The following ABHD18 variants were observed in gnomAD, a reference collection of about 807,000 sequenced individuals.
ABHD18 encodes the protein cardiolipin-specific deacylase, mitochondrial.
Under a neutral mutation model 65.9 loss-of-function variants are expected in ABHD18, and 55 were observed. The ratio of observed to expected loss-of-function variants is 0.84; its 90% CI spans 0.67 to 1.05. The LOEUF (loss-of-function observed/expected upper bound fraction) is 1.05. ABHD18 is among the 50% of genes least tolerant of loss of function. ABHD18 has a pLI of 0.00. For missense variants in ABHD18, 533 were observed against 558.5 expected (o/e 0.95, Z 0.46); for synonymous variants, 181 against 180.2 (o/e 1.00, Z -0.04).
intron 1 of ABHD18, among the ~76,000 whole-genome samples, chr4:127,966,823 T>C (rs1745631953): frequency 1.4e-5 from 2 of 139,962 alleles, no homozygotes; most frequent in African/African-American, 5.4e-5. Flanking sequence ...AGGCGGAGGC[T>C]GCAGTGAGCC....
intron 9 of ABHD18, 60 bp from the exon 10 acceptor site, chr4:128,021,077 A>G: frequency 9.5e-7 from 1 of 1,054,994 alleles, no homozygotes; most frequent in South Asian, 1.6e-5. Context: ...AATAATAATA[A>G]AAGTATTGGG....
intron 1 of ABHD18, among the ~76,000 whole-genome samples, chr4:127,975,893 T>A (rs1275370302): frequency 6.6e-6 from 1 of 152,196 alleles, no homozygotes; most frequent in Non-Finnish European, 1.5e-5. Context: ...TGGTACAGTC[T>A]CGGCTCACTG....
chr4:128,035,326 T>A (rs1758764713), intron 12 of ABHD18, among the ~76,000 whole-genome samples: 1 of 152,046 alleles, frequency 6.6e-6, no homozygotes, highest in Non-Finnish European at 1.5e-5. Context: ...GGTGGTAAAG[T>A]TGCATGCATC....
chr4:127,999,579 GATTATTA>G (rs1752325799), intron 4 of ABHD18, among the ~76,000 whole-genome samples: 1 of 152,146 alleles, frequency 6.6e-6, no homozygotes, highest in Admixed American at 6.6e-5. Context: ...TGGGTGATGG[GATTATTA>G]TTCTTTTGAA....
In ABHD18 at chr4:128,008,261, CTTTTTTTTTTTTTTTTTT is replaced by C. The variant is rs1167728243; in HGVS notation, c.279-648_279-631del. On this transcript the variant is annotated intron_variant, in intron 4 of 12. Coordinates refer to ENST00000645843, the MANE Select transcript of ABHD18 (RefSeq NM_001358451.3). ...TGGGCAACAGAGTGAGACTCCGTTC[CTTTTTTTTTTTTTTTTTT>C]TTTTTTTTTTGAGACGGAGTCTCGC... Among the ~76,000 whole-genome samples, 3 of 97,772 alleles carry C rather than the reference CTTTTTTTTTTTTTTTTTT, an allele frequency of 3.1e-5. No individual in the cohort carries two copies. The South Asian group carries it at 9.4e-4, about 31-fold the overall frequency. 64.1% of individuals were successfully genotyped at this position (97,772 alleles called of 152,430 possible). A position where few individuals can be genotyped will look rare whatever the true frequency, so the allele number is the denominator to read the frequency against.
intron 8 of ABHD18, among the ~76,000 whole-genome samples, chr4:128,018,113 C>G (rs1755824465): frequency 6.6e-6 from 1 of 152,166 alleles, no homozygotes; most frequent in Non-Finnish European, 1.5e-5. Context: ...CTAGGAGTAA[C>G]AGCTTACCCT....
At position 128,028,740 on chromosome 4, in the gene ABHD18, C is replaced by T. The variant is rs772325581; in HGVS notation, c.1067C>T (p.Pro356Leu). ...TNKSGYTSRN[P>L]QSYHLLSKEQ... ...AAAAGTGGTTATACAAGTCGCAACC[C>T]TCAGTCATACCACCTACTTAGTAAA... Residue 356 changes from proline to leucine, a missense_variant, in exon 11 of 13, where the codon CCT (proline) becomes CTT (leucine). Physicochemically the swap from Pro to Leu is moderately conservative, Grantham distance 98. Transcript: ENST00000645843. 1 of 1,613,912 alleles carries T rather than the reference C, an allele frequency of 6.2e-7. No individual in the cohort carries two copies. The highest frequency in any genetic ancestry group is 8.5e-7 in the Non-Finnish European group (1 of 1,179,860).
chr4:128,033,067 C>T (rs926343935), intron 12 of ABHD18, among the ~76,000 whole-genome samples: 14 of 152,088 alleles, frequency 9.2e-5, no homozygotes, highest in Admixed American at 2.6e-4. Context: ...TCCTGGCTAA[C>T]ATGGTGAAAC....
chr4:127,987,088 C>T (rs563276236), intron 3 of ABHD18, among the ~76,000 whole-genome samples: 5 of 152,300 alleles, frequency 3.3e-5, no homozygotes, highest in Non-Finnish European at 5.9e-5. Context: ...TGCCGTGCCT[C>T]ACACCTGTAA....
At chr4:128,001,349 G>T (rs1752598593) in intron 4 of ABHD18, among the ~76,000 whole-genome samples, 1 of 152,150 alleles carries the variant, frequency 6.6e-6, no homozygotes, top group Non-Finnish European at 1.5e-5. Flanking sequence ...AACATGAAGT[G>T]ATGTTGAATT....
chr4:128,033,474 A>G (rs1054221118), intron 12 of ABHD18, among the ~76,000 whole-genome samples: 4 of 151,842 alleles, frequency 2.6e-5, no homozygotes, highest in Admixed American at 2.6e-4. Flanking sequence ...TGACTTCCCA[A>G]CATATTGGAA....
At chr4:127,977,131 A>C (rs1364861381) in intron 1 of ABHD18, among the ~76,000 whole-genome samples, 1 of 152,128 alleles carries the variant, frequency 6.6e-6, no homozygotes, top group Admixed American at 6.6e-5. Flanking sequence ...GTATATTATT[A>C]AGGCTGTTTT....
chr4:128,011,584 A>C, intron 6 of ABHD18, 89 bp from the exon 7 acceptor site: 1 of 941,984 alleles, frequency 1.1e-6, no homozygotes, highest in South Asian at 1.7e-5. Flanking sequence ...TCAGTATTAA[A>C]TTGTGTAAAA....
Position 128,008,501 on chromosome 4 carries a change from T to C in ABHD18, c.279-419T>C, listed in dbSNP as rs113642001. Among the ~76,000 whole-genome samples, 939 of 151,946 alleles carry C rather than the reference T, an allele frequency of 6.2e-3. 18 individuals are homozygous for C. Among genetic ancestry groups the C allele is most frequent in the African/African-American group, 0.021 (884 of 41,482 alleles). On this transcript the variant is annotated intron_variant, in intron 4 of 12. Coordinates refer to ENST00000645843, the MANE Select transcript of ABHD18 (RefSeq NM_001358451.3). ...TGTTGATTAGGCTGGTCTCGAACTC[T>C]CAACCTCAGGTGATCCACCCATATT...
chr4:128,008,839 TAA>T (rs1754073591), intron 4 of ABHD18, 79 bp from the exon 5 acceptor site: 1 of 919,742 alleles, frequency 1.1e-6, no homozygotes. Context: ...AATTTAAATG[TAA>T]AAGTTTTAAG....
intron 1 of ABHD18, among the ~76,000 whole-genome samples, chr4:127,974,390 G>C (rs1410408908): frequency 6.6e-6 from 1 of 151,272 alleles, no homozygotes; most frequent in African/African-American, 2.4e-5. Flanking sequence ...TTTTGTGTGT[G>C]ATAAGGTCTC....
chr4:127,987,068 A>G (rs886368509), intron 3 of ABHD18, among the ~76,000 whole-genome samples: 11 of 152,146 alleles, frequency 7.2e-5, no homozygotes, highest in Admixed American at 7.2e-4. Context: ...ATAATTAATA[A>G]TGGGCTGGGT....
At chr4:127,998,324 C>T (rs1335450116) in intron 4 of ABHD18, among the ~76,000 whole-genome samples, 2 of 144,088 alleles carry the variant, frequency 1.4e-5, no homozygotes, top group Non-Finnish European at 3.0e-5. Flanking sequence ...GCTCTGTCGC[C>T]GAGGCTGGAG....
intron 1 of ABHD18, among the ~76,000 whole-genome samples, chr4:127,966,334 T>G (rs1189089252): frequency 6.6e-6 from 1 of 152,192 alleles, no homozygotes. Flanking sequence ...ATTGCTAGTT[T>G]ACTGAAAATT....
Sources: gnomAD v4.1 joint callset for allele counts (sites outside exome capture counted in the v4.1 genomes callset) on GRCh38, gnomAD v4.1.1 for gene constraint, MANE v1.5 for transcripts, NCBI Gene and HGNC (gene_info 2026-07-23, HGNC 2026-07-21) for gene names.